The following NPSR1 variants were observed in gnomAD, a reference collection of about 807,000 sequenced individuals.
NPSR1 encodes neuropeptide S receptor 1, also known as neuropeptide S receptor.
NPSR1 carries 48 observed loss-of-function variants against 46.9 expected under a neutral mutation model. That is an observed-to-expected ratio of 1.02 (90% CI 0.81 to 1.30). The LOEUF (loss-of-function observed/expected upper bound fraction) is 1.30. NPSR1 is among the 50% of genes most tolerant of loss of function. The pLI, the probability that NPSR1 is intolerant of heterozygous loss-of-function variation, is 0.00. For synonymous variants in NPSR1, 176 were observed against 168.1 expected (o/e 1.05, Z -0.36); for missense variants, 450 against 449.5 (o/e 1.00, Z -0.01).
chr7:34,738,731 T>C (rs949095829), intron 2 of NPSR1, among the ~76,000 whole-genome samples: 1 of 152,240 alleles, frequency 6.6e-6, no homozygotes, highest in Non-Finnish European at 1.5e-5. Flanking sequence ...TAACATCTTT[T>C]TATTTTAATT....
At chr7:34,711,742 T>G (rs1184058086) in intron 2 of NPSR1, among the ~76,000 whole-genome samples, 1 of 152,274 alleles carries the variant, frequency 6.6e-6, no homozygotes, top group Non-Finnish European at 1.5e-5. Flanking sequence ...ATGTTAGCTG[T>G]TGCTCTCTAC....
In NPSR1 at chr7:34,751,514, G is replaced by C. The variant is rs543289065; in HGVS notation, c.281-26948G>C. ...TCATCTGCTGCCCCAACCAGCCCCAGCTCCTCCTCCATAGTGGTCTCGAAA... is the reference window on the plus strand; with the variant it reads ...TCATCTGCTGCCCCAACCAGCCCCACCTCCTCCTCCATAGTGGTCTCGAAA... On this transcript the variant is annotated intron_variant, in intron 2 of 8. Transcript: ENST00000360581. 53 of 1,486,642 alleles carry C rather than the reference G, an allele frequency of 3.6e-5. No individual in the cohort carries two copies. The African/African-American group carries it at 4.8e-4, about 14-fold the overall frequency. 92.1% of individuals were successfully genotyped at this position (1,486,642 alleles called of 1,614,324 possible).
Position 34,819,641 on chromosome 7 carries a change from A to G in NPSR1, c.479-7760A>G, listed in dbSNP as rs575975987. On this transcript the variant is annotated intron_variant, in intron 4 of 8. Coordinates refer to ENST00000360581, the MANE Select transcript of NPSR1 (RefSeq NM_207172.2). ...GTATGTTTATTGCTATTGCAGCACT[A>G]TTCACAATAGCAAAGACTTGGAACC... 3.3e-5 allele frequency among the ~76,000 whole-genome samples: 5 copies of G among 152,350 alleles called. No individual in the cohort carries two copies. The East Asian group carries it at 9.6e-4, about 29-fold the overall frequency.
chr7:34,826,234 G>A (rs1174922357), intron 4 of NPSR1, among the ~76,000 whole-genome samples: 8 of 151,988 alleles, frequency 5.3e-5, no homozygotes, highest in Admixed American at 5.2e-4. Context: ...TTGCTCAGTG[G>A]GCCAATAACA....
intron 2 of NPSR1, among the ~76,000 whole-genome samples, chr7:34,697,638 T>C (rs1261884913): frequency 6.6e-6 from 1 of 151,946 alleles, no homozygotes; most frequent in Non-Finnish European, 1.5e-5. Context: ...AAAATTTTTA[T>C]ACTATATTCT....
At chr7:34,831,313 TCACA>T (rs34669905) in intron 5 of NPSR1, among the ~76,000 whole-genome samples, 16,316 of 148,008 alleles carry the variant, frequency 0.11, 961 homozygotes, top group South Asian at 0.15. Context: ...CTCACACACA[TCACA>T]CACACACACA....
At chr7:34,683,788 G>A (rs1792782029) in intron 1 of NPSR1, among the ~76,000 whole-genome samples, 2 of 151,990 alleles carry the variant, frequency 1.3e-5, no homozygotes, top group South Asian at 4.2e-4. Context: ...TATTCATGAG[G>A]GCACAGCCTT....
chr7:34,673,883 G>A (rs1792181514), intron 1 of NPSR1, among the ~76,000 whole-genome samples: 1 of 152,142 alleles, frequency 6.6e-6, no homozygotes, highest in Non-Finnish European at 1.5e-5. Flanking sequence ...GGTAATCCAG[G>A]ATAGAATCCC....
intron 3 of NPSR1, among the ~76,000 whole-genome samples, chr7:34,792,627 G>A (rs1359863190): frequency 1.7e-5 from 2 of 118,244 alleles, no homozygotes; most frequent in African/African-American, 3.2e-5. Flanking sequence ...GTATATGTGT[G>A]TGTGTGTGTA....
intron 2 of NPSR1, among the ~76,000 whole-genome samples, chr7:34,695,892 A>G (rs1793493803): frequency 6.6e-6 from 1 of 152,210 alleles, no homozygotes; most frequent in South Asian, 2.1e-4. Flanking sequence ...AAAACAGTAT[A>G]GAGATTTCTC....
chr7:34,785,137 T>A (rs1787401496), intron 3 of NPSR1, among the ~76,000 whole-genome samples: 1 of 151,576 alleles, frequency 6.6e-6, no homozygotes, highest in Admixed American at 6.6e-5. Context: ...AACCCAAATG[T>A]CCAACAATGA....
At chr7:34,848,838 C>G (rs879524325) in intron 8 of NPSR1, among the ~76,000 whole-genome samples, 175 bp downstream of exon 8, 4 of 152,182 alleles carry the variant, frequency 2.6e-5, no homozygotes, top group Non-Finnish European at 4.4e-5. Context: ...AAACCCTGGC[C>G]CAGGCCACAG....
At chr7:34,795,309 C>T (rs1489994552) in intron 3 of NPSR1, among the ~76,000 whole-genome samples, 1 of 152,134 alleles carries the variant, frequency 6.6e-6, no homozygotes, top group Non-Finnish European at 1.5e-5. Context: ...CTTCATCTGA[C>T]ATCTTATTTA....
At chr7:34,815,543 C>T (rs182862970) in intron 4 of NPSR1, among the ~76,000 whole-genome samples, 186 of 152,270 alleles carry the variant, frequency 1.2e-3, no homozygotes, top group Non-Finnish European at 1.0e-3. Flanking sequence ...GGCAGGCCAA[C>T]ACTCAAATTC....
At chr7:34,683,133 T>G (rs34914727) in intron 1 of NPSR1, among the ~76,000 whole-genome samples, 26,801 of 151,862 alleles carry the variant, frequency 0.18, 3,433 homozygotes, top group African/African-American at 0.36. Flanking sequence ...GTAGGACTCA[T>G]GAAGATGCTC....
chr7:34,756,165 C>G lies in NPSR1; in HGVS notation c.281-22297C>G, dbSNP rs186898574. ...GCCAGCTCAGTCCAGCTCAACAGCT[C>G]GGATTGTTCTCCCCACCGCCCCCCT... On this transcript the variant is annotated intron_variant, in intron 2 of 8. Coordinates refer to ENST00000360581, the MANE Select transcript of NPSR1 (RefSeq NM_207172.2). Among the ~76,000 whole-genome samples the G allele has an allele frequency of 3.6e-3, 550 of 152,224 alleles. 1 individual carries two copies. The highest frequency in any genetic ancestry group is 6.1e-3 in the Non-Finnish European group (413 of 68,016).
rs1408849645 is a variant in NPSR1 at position 34,790,966 on chromosome 7, T to C, written c.384+12401T>C. On this transcript the variant is annotated intron_variant, in intron 3 of 8. Coordinates refer to ENST00000360581, the MANE Select transcript of NPSR1 (RefSeq NM_207172.2). ...ATATCATATATGTTATATGTTATAT[T>C]ATATATGTTATATGTTATATTATAT... Among the ~76,000 whole-genome samples, 202 of 76,000 alleles carry C rather than the reference T, an allele frequency of 2.7e-3. 6 individuals carry two copies. The highest frequency in any genetic ancestry group is 3.7e-3 in the Non-Finnish European group (133 of 36,066). 49.9% of individuals were successfully genotyped at this position (76,000 alleles called of 152,430 possible). A position where few individuals can be genotyped will look rare whatever the true frequency, so the allele number is the denominator to read the frequency against.
chr7:34,779,060 T>G lies in NPSR1; in HGVS notation c.384+495T>G, dbSNP rs570826908. The stretch of plus-strand genomic sequence containing the variant: ...TCCTCTCAAATTTCCTATTTTCCTT[T>G]TTGAATGATTTTATAACTGAGAGAC... On this transcript the variant is annotated intron_variant, in intron 3 of 8. Transcript: ENST00000360581. 3.5e-4 allele frequency among the ~76,000 whole-genome samples: 54 copies of G among 152,272 alleles called. No homozygotes were observed. In the South Asian group the frequency reaches 0.011, roughly 31 times the overall value.
intron 8 of NPSR1, among the ~76,000 whole-genome samples, chr7:34,869,418 A>T (rs915074790): frequency 6.6e-6 from 1 of 151,660 alleles, no homozygotes; most frequent in Non-Finnish European, 1.5e-5. Flanking sequence ...GTTCCCACAC[A>T]CCCTCTTCTA....
Sources: allele counts gnomAD v4.1 joint callset (sites outside exome capture counted in the v4.1 genomes callset), GRCh38; gene constraint gnomAD v4.1.1; transcripts MANE v1.5; gene names NCBI Gene and HGNC (gene_info 2026-07-23, HGNC 2026-07-21).